Variants in EFL1 observed in about 807,000 individuals in gnomAD.
EFL1 encodes elongation factor like GTPase 1.
A neutral mutation model predicts 126.7 loss-of-function variants in EFL1; 76 were observed. That is an observed-to-expected ratio of 0.60 (90% CI 0.50 to 0.73). The LOEUF (loss-of-function observed/expected upper bound fraction) is 0.73, where lower values mean the gene tolerates loss of function less well. EFL1 is among the 30% of genes least tolerant of loss of function. EFL1 has a pLI of 0.00. For synonymous variants in EFL1, 410 were observed against 448.4 expected, an observed-to-expected ratio of 0.91 and a Z score of 1.08; for missense variants, 1,128 against 1,343.2, an observed-to-expected ratio of 0.84 and a Z score of 2.50.
chr15:82,130,736 C>T (rs1038978687), intron 19 of EFL1, among the ~76,000 whole-genome samples, 175 bp from the exon 20 acceptor site: 2 of 152,308 alleles, frequency 1.3e-5, no homozygotes, highest in African/African-American at 4.8e-5. Flanking sequence ...TGGTGGCTCA[C>T]GCCTATAGTC....
intron 15 of EFL1, among the ~76,000 whole-genome samples, chr15:82,190,466 T>C (rs1487200452): frequency 6.6e-6 from 1 of 152,244 alleles, no homozygotes; most frequent in African/African-American, 2.4e-5. Flanking sequence ...TCTTTCTATA[T>C]ATCCATGGAT....
intron 18 of EFL1, among the ~76,000 whole-genome samples, chr15:82,150,243 T>TG (rs1021209139): frequency 2.6e-5 from 4 of 152,098 alleles, no homozygotes; most frequent in Non-Finnish European, 5.9e-5. Context: ...AAATTTCTTT[T>TG]GGGAAAAAAA....
At chr15:82,211,900 GA>G (rs1263464016) in intron 15 of EFL1, among the ~76,000 whole-genome samples, 1 of 152,114 alleles carries the variant, frequency 6.6e-6, no homozygotes, top group East Asian at 1.9e-4. Context: ...ACTAGGGAGG[GA>G]AATATCCTAA....
intron 15 of EFL1, among the ~76,000 whole-genome samples, chr15:82,212,440 T>C (rs1261399348): frequency 1.3e-5 from 2 of 152,242 alleles, no homozygotes; most frequent in Admixed American, 6.5e-5. Context: ...TTAGTGGCAA[T>C]ACTATGGCCA....
Position 82,151,913 on chromosome 15 carries a change from T to C in EFL1, c.2541A>G (p.Val847=), listed in dbSNP as rs747863769. 2.5e-6 allele frequency: 4 copies of C among 1,613,998 alleles called. No homozygotes were observed. The highest frequency in any genetic ancestry group is 2.2e-5 in the East Asian group (1 of 44,870). The change falls in exon 18 of 20, where the codon GTA becomes GTG. Residue 847 remains valine, a synonymous_variant. Transcript: ENST00000268206. ...VNKSEDFQNS[V]WTGPADKASK... ...AAGCTTTGTCAGCTGGACCTGTCCA[T>C]ACTGAGTTCTGAAAATCTTCACTTT...
intron 15 of EFL1, among the ~76,000 whole-genome samples, chr15:82,206,049 C>T (rs2074521295): frequency 6.6e-6 from 1 of 152,152 alleles, no homozygotes; most frequent in African/African-American, 2.4e-5. Flanking sequence ...AAATCAGTGG[C>T]TTGTCACATC....
At chr15:82,256,196 A>C (rs540383726) in intron 3 of EFL1, among the ~76,000 whole-genome samples, 1 of 152,244 alleles carries the variant, frequency 6.6e-6, no homozygotes, top group African/African-American at 2.4e-5. Flanking sequence ...TTGCAGCCTC[A>C]AACTCCTGGG....
At chr15:82,220,315 G>C in intron 12 of EFL1, 86 bp from the exon 13 acceptor site, 3 of 1,480,458 alleles carry the variant, frequency 2.0e-6, no homozygotes, top group Non-Finnish European at 2.7e-6. Context: ...GTAAGATGAA[G>C]ATTGGTCCCA....
rs145386652 is a variant in EFL1 at position 82,192,660 on chromosome 15, T to A, written c.1750+22057A>T. Among the ~76,000 whole-genome samples, 1,401 of 152,210 alleles carry A rather than the reference T, an allele frequency of 9.2e-3. 26 individuals carry two copies. The highest frequency in any genetic ancestry group is 0.033 in the African/African-American group (1,356 of 41,530). ...GAGGTGGAAAGCCCTTGTGAACTTA[T>A]AAAGAGAATAGCAACAGTAATGAAT... On this transcript the variant is annotated intron_variant, in intron 15 of 19. Transcript: ENST00000268206.
intron 12 of EFL1, among the ~76,000 whole-genome samples, chr15:82,224,708 C>G (rs1396796846): frequency 4.6e-5 from 7 of 152,160 alleles, no homozygotes; most frequent in Non-Finnish European, 7.3e-5. Context: ...ATGTAGAAGA[C>G]ACAGATTCCC....
rs115461739 is a variant in EFL1, at chr15:82,190,185, G to A, written c.1750+24532C>T. ...AATTTCTTTAGCTTTCTTCTCACTC[G>A]CTAATTCAGGTTTCTTCAGTATTGA... On this transcript the variant is annotated intron_variant, in intron 15 of 19. Coordinates refer to ENST00000268206, the MANE Select transcript of EFL1 (RefSeq NM_024580.6). Among the ~76,000 whole-genome samples the A allele has an allele frequency of 6.7e-3, 1,012 of 150,628 alleles. 12 individuals carry two copies. Among genetic ancestry groups the A allele is most frequent in the African/African-American group, 0.023 (946 of 41,056 alleles).
chr15:82,238,668 T>G (rs1014103549), intron 6 of EFL1, 147 bp from the exon 7 acceptor site: 16 of 658,072 alleles, frequency 2.4e-5, no homozygotes, highest in Non-Finnish European at 4.2e-5. Flanking sequence ...ACATTCATAA[T>G]CAGTGAATAA....
chr15:82,231,119 G>T, intron 7 of EFL1, 148 bp from the exon 8 acceptor site: 1 of 948,026 alleles, frequency 1.1e-6, no homozygotes, highest in Non-Finnish European at 1.5e-6. Flanking sequence ...GGGTAATGAA[G>T]CAGAGATATC....
chr15:82,157,114 A>T (rs2073976382), intron 17 of EFL1, among the ~76,000 whole-genome samples: 1 of 152,222 alleles, frequency 6.6e-6, no homozygotes, highest in South Asian at 2.1e-4. Flanking sequence ...GTATATTTGA[A>T]TATGCATAGA....
rs1304472623 is a variant in EFL1 at position 82,130,486 on chromosome 15, C to G, written c.3250G>C (p.Glu1084Gln). 1.9e-6 allele frequency: 3 copies of G among 1,614,040 alleles called. No individual in the cohort carries two copies. The highest frequency in any genetic ancestry group is 2.7e-5 in the African/African-American group (2 of 74,910). ...YLHFGEKADS[E>Q]NQARKYMNAV... ...TTCATGTACTTCCGGGCTTGGTTCT[C>G]AGAGTCAGCCTTCTCCCCAAAGTGC... The change falls in exon 20 of 20, where the codon GAG (glutamate) becomes CAG (glutamine). Residue 1084 changes from glutamate (E) to glutamine (Q), a missense_variant. Coordinates refer to ENST00000268206, the MANE Select transcript of EFL1 (RefSeq NM_024580.6).
At chr15:82,168,120 G>A (rs1595955916) in intron 15 of EFL1, among the ~76,000 whole-genome samples, 1 of 152,166 alleles carries the variant, frequency 6.6e-6, no homozygotes, top group East Asian at 1.9e-4. Flanking sequence ...ACCATCTTCT[G>A]CTTTAGGCCC....
At chr15:82,146,653 C>A (rs995899622) in intron 18 of EFL1, among the ~76,000 whole-genome samples, 1 of 148,508 alleles carries the variant, frequency 6.7e-6, no homozygotes, top group African/African-American at 2.5e-5. Flanking sequence ...AATGTAACTT[C>A]TTTTAAGGCA....
chr15:82,253,571 T>A (rs990220255), intron 3 of EFL1, among the ~76,000 whole-genome samples: 6 of 152,146 alleles, frequency 3.9e-5, no homozygotes, highest in African/African-American at 1.4e-4. Context: ...TAAACATCAA[T>A]AACATAGCCA....
intron 11 of EFL1, among the ~76,000 whole-genome samples, chr15:82,226,311 A>G (rs2074763430): frequency 6.6e-6 from 1 of 152,064 alleles, no homozygotes; most frequent in Non-Finnish European, 1.5e-5. Context: ...AGGGACTACA[A>G]GCGTGTACCA....
Sources: allele counts gnomAD v4.1 joint callset (sites outside exome capture counted in the v4.1 genomes callset), GRCh38; gene constraint gnomAD v4.1.1; transcripts MANE v1.5; gene names NCBI Gene and HGNC (gene_info 2026-07-23, HGNC 2026-07-21).